RTL4: variants seen among roughly 807,000 people sequenced by gnomAD.
RTL4 encodes retrotransposon Gag like 4.
Under a neutral mutation model 5.3 loss-of-function variants are expected in RTL4, and 4 were observed. That is an observed-to-expected ratio of 0.75 (90% CI 0.37 to 1.72). The LOEUF is 1.72. RTL4 is among the 40% of genes most tolerant of loss of function. RTL4 has a pLI of 0.04. For synonymous variants in RTL4, 98 were observed against 87.3 expected (o/e 1.12, Z -0.68); for missense variants, 260 against 227.1 (o/e 1.14, Z -0.93).
chrX:112,399,052 AG>A, the RTL4 span, among the ~76,000 whole-genome samples: 2 of 112,040 alleles, frequency 1.8e-5, no homozygotes, highest in African/African-American at 6.5e-5. Context: ...GTGTCTTTCA[AG>A]GAATTCATTC....
the RTL4 span, among the ~76,000 whole-genome samples, chrX:112,430,289 A>AT: frequency 5.9e-4 from 65 of 109,820 alleles, no homozygotes; most frequent in African/African-American, 2.1e-3. Context: ...TTCTATTATG[A>AT]TTTTTTTAAG....
the RTL4 span, among the ~76,000 whole-genome samples, chrX:112,317,381 C>A: frequency 8.9e-6 from 1 of 111,943 alleles, no homozygotes; most frequent in Non-Finnish European, 1.9e-5. Flanking sequence ...ATAGGACTGG[C>A]ATGTATTCTT....
At chrX:112,424,109 C>A in the RTL4 span, among the ~76,000 whole-genome samples, 1 of 111,572 alleles carries the variant, frequency 9.0e-6, no homozygotes, top group South Asian at 3.7e-4. Context: ...TCCAAAAGGA[C>A]AGTTTTTTCC....
chrX:112,337,996 G>C, the RTL4 span, among the ~76,000 whole-genome samples: 6 of 111,794 alleles, frequency 5.4e-5, no homozygotes, highest in African/African-American at 2.0e-4. Flanking sequence ...TGTCTTTTTA[G>C]ATTTTTAGGA....
chrX:112,258,372 C>G, the RTL4 span, among the ~76,000 whole-genome samples: 24,372 of 109,811 alleles, frequency 0.22, 2,293 homozygotes, highest in African/African-American at 0.36. Context: ...AATAGGGGAA[C>G]ACGTGCATGT....
At chrX:112,114,988 A>G in the RTL4 span, among the ~76,000 whole-genome samples, 1 of 111,415 alleles carries the variant, frequency 9.0e-6, no homozygotes, top group Non-Finnish European at 1.9e-5. Flanking sequence ...GCAGAAAAAA[A>G]TAAGCTGCTT....
chrX:112,236,864 A>G, the RTL4 span, among the ~76,000 whole-genome samples: 28,908 of 110,687 alleles, frequency 0.26, 3,812 homozygotes, highest in African/African-American at 0.52. Flanking sequence ...TTTTGAGATG[A>G]GGACATTATC....
the RTL4 span, among the ~76,000 whole-genome samples, chrX:112,150,127 G>A: frequency 9.0e-6 from 1 of 111,606 alleles, no homozygotes; most frequent in Non-Finnish European, 1.9e-5. Context: ...GAGGATGGCA[G>A]AAGGTGAGGT....
chrX:112,088,569 C>T, the RTL4 span, among the ~76,000 whole-genome samples: 1 of 111,890 alleles, frequency 8.9e-6, no homozygotes, highest in African/African-American at 3.3e-5. Flanking sequence ...TTTTGGAGAC[C>T]TACCTAAGAG....
chrX:112,090,829 A>C, the RTL4 span, among the ~76,000 whole-genome samples: 1 of 110,939 alleles, frequency 9.0e-6, no homozygotes, highest in African/African-American at 3.3e-5. Context: ...AATTGCTGTT[A>C]ATTATTCTTT....
At chrX:112,095,920 T>C in the RTL4 span, among the ~76,000 whole-genome samples, 1 of 111,892 alleles carries the variant, frequency 8.9e-6, no homozygotes, top group African/African-American at 3.2e-5. Flanking sequence ...ACTTAAAGTT[T>C]CTAATGAACA....
the RTL4 span, among the ~76,000 whole-genome samples, chrX:112,130,282 ATCT>A: frequency 9.6e-6 from 1 of 104,491 alleles, no homozygotes; most frequent in South Asian, 4.3e-4. Context: ...GATTTTTCTA[ATCT>A]TCTTATAATG....
chrX:112,157,642 C>T, the RTL4 span, among the ~76,000 whole-genome samples: 2 of 112,017 alleles, frequency 1.8e-5, no homozygotes, highest in Non-Finnish European at 3.8e-5. Flanking sequence ...GTGAGCACTG[C>T]ATTCAGATAG....
At chrX:112,084,892 A>G in the RTL4 span, among the ~76,000 whole-genome samples, 1 of 112,033 alleles carries the variant, frequency 8.9e-6, no homozygotes, top group South Asian at 3.7e-4. Context: ...ATAAGGTTAA[A>G]ATTTCTTTCT....
the RTL4 span, among the ~76,000 whole-genome samples, chrX:112,118,344 T>A: frequency 1.1e-3 from 120 of 112,212 alleles, no homozygotes; most frequent in African/African-American, 3.8e-3. Context: ...ATTCACATGG[T>A]TGTTGGCAGG....
chrX:112,332,437 G>A, the RTL4 span, among the ~76,000 whole-genome samples: 2 of 110,769 alleles, frequency 1.8e-5, no homozygotes, highest in East Asian at 2.8e-4. Flanking sequence ...CAACCCAAAT[G>A]TCCAACAATG....
chrX:112,350,930 GC>G, the RTL4 span, among the ~76,000 whole-genome samples: 1 of 110,868 alleles, frequency 9.0e-6, no homozygotes, highest in African/African-American at 3.3e-5. Context: ...GTTTGCTCTT[GC>G]TTTTCTAGTT....
the RTL4 span, among the ~76,000 whole-genome samples, chrX:112,181,218 C>T: frequency 2.0e-4 from 22 of 111,870 alleles, no homozygotes; most frequent in Admixed American, 7.6e-4. Flanking sequence ...ACCTACAACA[C>T]CAGGGCCCTG....
the RTL4 span, among the ~76,000 whole-genome samples, chrX:112,261,174 G>A: frequency 2.2e-4 from 25 of 111,748 alleles, no homozygotes; most frequent in Non-Finnish European, 4.1e-4. Context: ...TAAACATAGT[G>A]TTGGAAGTTC....
Sources: allele counts gnomAD v4.1 joint callset (sites outside exome capture counted in the v4.1 genomes callset), GRCh38; gene constraint gnomAD v4.1.1; transcripts MANE v1.5; gene names NCBI Gene and HGNC (gene_info 2026-07-23, HGNC 2026-07-21).